SDCCAG8: variants seen among roughly 807,000 people sequenced by gnomAD.
SDCCAG8 encodes SHH signaling and ciliogenesis regulator SDCCAG8.
SDCCAG8 carries 74 observed loss-of-function variants against 101.8 expected under a neutral mutation model. The observed-to-expected ratio is 0.73, with a 90% CI of 0.60 to 0.88. The LOEUF is 0.88. Ranked by LOEUF, SDCCAG8 falls within the 40% of genes least tolerant of loss-of-function variation. The probability of loss-of-function intolerance (pLI) is 0.00; values close to 1 mark genes in which losing one functional copy is unlikely to be tolerated. For missense variants in SDCCAG8, 787 were observed against 822.6 expected (o/e 0.96, Z 0.53); for synonymous variants, 281 against 292.9 (o/e 0.96, Z 0.41).
Position 243,327,378 on chromosome 1 carries a change from TA to T in SDCCAG8, c.1069-3158del, listed in dbSNP as rs1440118360. ...ATTATAATTATAATTTTATAGAAAT[TA>T]AAATTATAATTTATAATTTTATAGA... On this transcript the variant is annotated intron_variant, in intron 9 of 17. Coordinates refer to ENST00000366541, the MANE Select transcript of SDCCAG8 (RefSeq NM_006642.5). Among the ~76,000 whole-genome samples, 5 of 145,900 alleles carry T rather than the reference TA, an allele frequency of 3.4e-5. No individual in the cohort carries two copies. In the East Asian group the frequency reaches 7.8e-4, roughly 23 times the overall value.
chr1:243,262,119 T>TG (rs2067242512), intron 1 of SDCCAG8, among the ~76,000 whole-genome samples: 1 of 146,712 alleles, frequency 6.8e-6, no homozygotes, highest in South Asian at 2.2e-4. Flanking sequence ...TTTTTTTTTT[T>TG]CTTTTGAGAC....
intron 5 of SDCCAG8, among the ~76,000 whole-genome samples, chr1:243,291,267 T>C (rs1406952714): frequency 6.6e-6 from 1 of 152,220 alleles, no homozygotes; most frequent in Non-Finnish European, 1.5e-5. Context: ...TTGGGCTGCT[T>C]ACTACATTGA....
chr1:243,376,764 A>C (rs2077621876), intron 12 of SDCCAG8, among the ~76,000 whole-genome samples: 1 of 152,000 alleles, frequency 6.6e-6, no homozygotes. Context: ...GGAATACTGC[A>C]ATTATCTTTT....
chr1:243,356,426 G>GGGA (rs2076387043), intron 12 of SDCCAG8, among the ~76,000 whole-genome samples: 1 of 148,106 alleles, frequency 6.8e-6, no homozygotes, highest in African/African-American at 2.5e-5. Context: ...GTGGCGGGGG[G>GGGA]GTGGTGGGGG....
At chr1:243,296,774 C>T (rs1041385909) in intron 6 of SDCCAG8, among the ~76,000 whole-genome samples, 3 of 151,504 alleles carry the variant, frequency 2.0e-5, no homozygotes, top group Non-Finnish European at 4.4e-5. Flanking sequence ...ACCTCGTGAT[C>T]CGCCCGCCTC....
intron 16 of SDCCAG8, among the ~76,000 whole-genome samples, chr1:243,468,268 AG>A (rs1660542732): frequency 6.6e-6 from 1 of 151,738 alleles, no homozygotes; most frequent in Admixed American, 6.6e-5. Flanking sequence ...CCCAGGCTGA[AG>A]TGCAGTGGCA....
chr1:243,386,017 G>T (rs2078264822), intron 13 of SDCCAG8, among the ~76,000 whole-genome samples: 1 of 152,172 alleles, frequency 6.6e-6, no homozygotes, highest in Admixed American at 6.5e-5. Context: ...TATCTGCGTG[G>T]TACCACGCTA....
intron 12 of SDCCAG8, among the ~76,000 whole-genome samples, chr1:243,357,409 C>T (rs2076449147): frequency 6.6e-6 from 1 of 151,938 alleles, no homozygotes; most frequent in Non-Finnish European, 1.5e-5. Flanking sequence ...AAGAAGGTAA[C>T]TTTTGTCTTT....
intron 16 of SDCCAG8, among the ~76,000 whole-genome samples, chr1:243,478,923 A>G (rs1419955095): frequency 7.2e-6 from 1 of 138,862 alleles, no homozygotes; most frequent in Non-Finnish European, 1.5e-5. Context: ...GTGCCACTGC[A>G]CTCCAGCCTG....
chr1:243,410,446 G>GT (rs1205634692), intron 13 of SDCCAG8, among the ~76,000 whole-genome samples: 10 of 152,054 alleles, frequency 6.6e-5, no homozygotes, highest in African/African-American at 2.2e-4. Flanking sequence ...ATTCTCACAA[G>GT]TTTTTTCATA....
At chr1:243,265,696 C>A (rs539208030) in intron 1 of SDCCAG8, among the ~76,000 whole-genome samples, 44 of 152,156 alleles carry the variant, frequency 2.9e-4, no homozygotes, top group African/African-American at 1.0e-3. Flanking sequence ...GCCTGTAATC[C>A]CAGCTACTCG....
At chr1:243,382,428 G>A (rs1311962427) in intron 13 of SDCCAG8, among the ~76,000 whole-genome samples, 1 of 152,118 alleles carries the variant, frequency 6.6e-6, no homozygotes, top group African/African-American at 2.4e-5. Flanking sequence ...ATGAAAAAAA[G>A]GGGAAACAAT....
chr1:243,396,921 A>G (rs2079067434), intron 13 of SDCCAG8, among the ~76,000 whole-genome samples: 2 of 152,232 alleles, frequency 1.3e-5, no homozygotes, highest in South Asian at 4.1e-4. Flanking sequence ...TCATTTGACA[A>G]TGACCTTGAG....
In SDCCAG8 at chr1:243,308,093, T is replaced by G. The variant is rs1387290886; in HGVS notation, c.845T>G (p.Leu282Arg). Reference protein sequence around the residue: ...AANTCNRVGGLCLKCAQHEAV... With the variant: ...AANTCNRVGGRCLKCAQHEAV... ...AATACTTGTAACCGTGTTGGTGGTCTTTGTTTGAAATGTGCTCAGCATGAA... is the reference window on the plus strand; with the variant it reads ...AATACTTGTAACCGTGTTGGTGGTCGTTGTTTGAAATGTGCTCAGCATGAA... The change falls in exon 8 of 18, where the codon CTT (leucine) becomes CGT (arginine). Residue 282 changes from leucine to arginine, a missense_variant. Physicochemically the swap from Leu to Arg is moderately radical, Grantham distance 102. Coordinates refer to ENST00000366541, the MANE Select transcript of SDCCAG8 (RefSeq NM_006642.5). The G allele has an allele frequency of 6.2e-7, 1 of 1,614,080 alleles. No individual in the cohort carries two copies. Among genetic ancestry groups the G allele is most frequent in the Non-Finnish European group, 8.5e-7 (1 of 1,180,044 alleles).
chr1:243,296,585 C>T (rs1449247196), intron 6 of SDCCAG8, among the ~76,000 whole-genome samples: 1 of 119,224 alleles, frequency 8.4e-6, no homozygotes, highest in African/African-American at 3.0e-5. Context: ...TTCTGTCGCC[C>T]AGGCGGGAGT....
At chr1:243,378,640 G>T in intron 12 of SDCCAG8, 81 bp from the exon 13 acceptor site, 1 of 1,464,296 alleles carries the variant, frequency 6.8e-7, no homozygotes, top group Non-Finnish European at 9.5e-7. Flanking sequence ...GAAATTCATG[G>T]CAAAAAATAA....
chr1:243,452,900 C>T (rs985099740), intron 16 of SDCCAG8, among the ~76,000 whole-genome samples: 3 of 152,190 alleles, frequency 2.0e-5, no homozygotes, highest in East Asian at 1.9e-4. Flanking sequence ...CCTCTCAAAA[C>T]GTTGAAGAAC....
chr1:243,490,231 A>G (rs1386073120), intron 17 of SDCCAG8, among the ~76,000 whole-genome samples: 1 of 152,246 alleles, frequency 6.6e-6, no homozygotes, highest in Non-Finnish European at 1.5e-5. Flanking sequence ...CAGACAGTAA[A>G]TGAGCACACC....
intron 11 of SDCCAG8, among the ~76,000 whole-genome samples, chr1:243,342,079 T>A (rs1405213484): frequency 6.6e-6 from 1 of 152,214 alleles, no homozygotes; most frequent in Non-Finnish European, 1.5e-5. Context: ...AATTCTCCAT[T>A]TGCTTTTAAA....
Sources: gnomAD v4.1 joint callset for allele counts (sites outside exome capture counted in the v4.1 genomes callset) on GRCh38, gnomAD v4.1.1 for gene constraint, MANE v1.5 for transcripts, NCBI Gene and HGNC (gene_info 2026-07-23, HGNC 2026-07-21) for gene names.